CCDC77: variants seen among roughly 807,000 people sequenced by gnomAD.
The protein encoded by CCDC77 is coiled-coil domain containing 77.
CCDC77 carries 56 observed loss-of-function variants against 66.8 expected under a neutral mutation model. The observed-to-expected ratio is 0.84, with a 90% confidence interval of 0.68 to 1.05. The LOEUF (loss-of-function observed/expected upper bound fraction) is 1.05, where lower values mean the gene tolerates loss of function less well. Among genes scored for constraint, CCDC77 ranks in the 50% least tolerant of loss-of-function variants. The pLI is 0.00. For missense variants in CCDC77, 570 were observed against 576.8 expected (o/e 0.99, Z 0.12); for synonymous variants, 196 against 195.2 (o/e 1.00, Z -0.03).
upstream of CCDC77, among the ~76,000 whole-genome samples, chr12:401,062 A>C (rs1944887728): frequency 6.6e-6 from 1 of 152,168 alleles, no homozygotes; most frequent in African/African-American, 2.4e-5. Context: ...TGGAAAGATA[A>C]GACCATAATG....
At chr12:438,848 C>A (rs1184927716) in intron 10 of CCDC77, among the ~76,000 whole-genome samples, 1 of 151,096 alleles carries the variant, frequency 6.6e-6, no homozygotes, top group African/African-American at 2.4e-5. Context: ...GTGGGCAAAT[C>A]GTGAGGTCAG....
At chr12:392,911 C>A (rs1944776024) in intron 1 of CCDC77, among the ~76,000 whole-genome samples, 1 of 151,192 alleles carries the variant, frequency 6.6e-6, no homozygotes, top group Non-Finnish European at 1.5e-5. Context: ...ACTATATTTT[C>A]CAAAACAAAA....
intron 1 of CCDC77, among the ~76,000 whole-genome samples, chr12:403,297 A>G (rs1352782191): frequency 1.3e-5 from 2 of 152,212 alleles, no homozygotes; most frequent in Non-Finnish European, 2.9e-5. Context: ...ATAATAGTCC[A>G]CATTTACTGA....
chr12:413,626 ATTT>A (rs573170612), intron 4 of CCDC77, among the ~76,000 whole-genome samples: 4 of 115,452 alleles, frequency 3.5e-5, no homozygotes, highest in Non-Finnish European at 1.8e-5. Flanking sequence ...ACTGAATGGG[ATTT>A]TTTTTTTTTT....
intron 10 of CCDC77, among the ~76,000 whole-genome samples, chr12:439,791 AAG>A: frequency 7.5e-6 from 1 of 133,032 alleles, no homozygotes; most frequent in East Asian, 2.1e-4. Flanking sequence ...GAAAAAAAAA[AAG>A]AAAAAATTAT....
At chr12:399,707 C>G (rs1944872451), upstream of CCDC77, among the ~76,000 whole-genome samples, 1 of 152,168 alleles carries the variant, frequency 6.6e-6, no homozygotes, top group Non-Finnish European at 1.5e-5. Flanking sequence ...ACTTAAAATA[C>G]TCAGTTAACC....
chr12:436,473 C>T (rs1226480766), intron 9 of CCDC77, among the ~76,000 whole-genome samples: 1 of 152,110 alleles, frequency 6.6e-6, no homozygotes, highest in East Asian at 1.9e-4. Flanking sequence ...ACCTGCCCAC[C>T]TCAGCCTCCC....
rs546231693 is a variant in CCDC77 at position 422,779 on chromosome 12, T to C, written c.413+4143T>C. Among the ~76,000 whole-genome samples, 374 of 152,222 alleles carry C rather than the reference T, an allele frequency of 2.5e-3. 1 individual carries two copies. The highest frequency in any genetic ancestry group is 6.8e-3 in the Middle Eastern group (2 of 294). On this transcript the variant is annotated intron_variant, in intron 5 of 12. Coordinates refer to ENST00000239830, the MANE Select transcript of CCDC77 (RefSeq NM_032358.4). ...GTGTGTGCCAACATGTCTGGCTAATTTTTTTTGTAATTTCTGTAGAGACAG... is the reference window on the plus strand; with the variant it reads ...GTGTGTGCCAACATGTCTGGCTAATCTTTTTTGTAATTTCTGTAGAGACAG...
Position 433,235 on chromosome 12 carries a change from G to A in CCDC77, c.734G>A (p.Gly245Glu). 1 of 1,613,960 alleles carries A rather than the reference G, an allele frequency of 6.2e-7. No individual in the cohort carries two copies. Among genetic ancestry groups the A allele is most frequent in the African/African-American group, 1.3e-5 (1 of 74,996 alleles). The change falls in exon 9 of 13, where the codon GGG becomes GAG. Residue 245 changes from glycine to glutamate, a missense_variant. Gly to Glu is a moderately conservative substitution (Grantham distance 98). Transcript: ENST00000239830. ...AAACTTTCTCGAGAACAAATTGAAG[G>A]GCTCATCGAGGACAGACGGATTCAC... is the stretch of plus-strand genomic sequence containing the variant. ...QTKLSREQIE[G>E]LIEDRRIHLE...
intron 4 of CCDC77, among the ~76,000 whole-genome samples, chr12:415,997 G>C (rs1254337178): frequency 2.6e-5 from 4 of 151,742 alleles, no homozygotes; most frequent in African/African-American, 9.7e-5. Flanking sequence ...GTAGGGACTG[G>C]ATTTCACCAT....
intron 10 of CCDC77, among the ~76,000 whole-genome samples, chr12:439,519 C>CAAA (rs371144805): frequency 7.2e-6 from 1 of 138,030 alleles, no homozygotes; most frequent in Non-Finnish European, 1.6e-5. Context: ...GACTCCATCT[C>CAAA]AAAAAAAAAA....
At chr12:408,099 A>G (rs1945034339) in intron 2 of CCDC77, among the ~76,000 whole-genome samples, 1 of 152,006 alleles carries the variant, frequency 6.6e-6, no homozygotes, top group East Asian at 1.9e-4. Context: ...AGGACTGAAG[A>G]TTTTAAATAG....
upstream of CCDC77, among the ~76,000 whole-genome samples, chr12:398,311 T>C (rs1944854124): frequency 6.6e-6 from 1 of 152,224 alleles, no homozygotes; most frequent in Admixed American, 6.5e-5. Flanking sequence ...ATTTTGGCAA[T>C]GTTCACAGCA....
chr12:438,925 A>T (rs1329579922), intron 10 of CCDC77, among the ~76,000 whole-genome samples: 1 of 151,302 alleles, frequency 6.6e-6, no homozygotes, highest in Non-Finnish European at 1.5e-5. Flanking sequence ...AAAAAAAAAA[A>T]AAATTAGCTG....
At chr12:415,338 G>A (rs866671851) in intron 4 of CCDC77, among the ~76,000 whole-genome samples, 16 of 99,712 alleles carry the variant, frequency 1.6e-4, no homozygotes, top group East Asian at 1.5e-3. Context: ...ATAATATTAT[G>A]TTAATATAAT....
chr12:395,709 C>A (rs1284292722), intron 1 of CCDC77, among the ~76,000 whole-genome samples: 2 of 152,128 alleles, frequency 1.3e-5, no homozygotes, highest in Non-Finnish European at 2.9e-5. Flanking sequence ...GAGTGGCCAA[C>A]ATGGCGAAGC....
At chr12:396,525 T>C (rs2137523368) in intron 1 of CCDC77, among the ~76,000 whole-genome samples, 1 of 152,322 alleles carries the variant, frequency 6.6e-6, no homozygotes, top group East Asian at 1.9e-4. Flanking sequence ...TAATATGCCA[T>C]TTATGTAAGG....
At chr12:409,483 G>C in intron 3 of CCDC77, 62 bp downstream of exon 3, 3 of 1,423,206 alleles carry the variant, frequency 2.1e-6, no homozygotes, top group Non-Finnish European at 3.0e-6. Context: ...CTTAGTCTAA[G>C]CATAGGAACT....
chr12:397,163 G>A (rs757202235), upstream of CCDC77, among the ~76,000 whole-genome samples: 5 of 152,164 alleles, frequency 3.3e-5, no homozygotes, highest in African/African-American at 4.8e-5. Context: ...CACGAGGTCA[G>A]GAGTTCAAGA....
Sources: allele counts gnomAD v4.1 joint callset (sites outside exome capture counted in the v4.1 genomes callset), GRCh38; gene constraint gnomAD v4.1.1; transcripts MANE v1.5; gene names NCBI Gene and HGNC (gene_info 2026-07-23, HGNC 2026-07-21).